DZANK1: variants seen among roughly 807,000 people sequenced by gnomAD.
DZANK1 encodes double zinc ribbon and ankyrin repeat domains 1.
In DZANK1, 91 loss-of-function variants were observed where a neutral mutation model predicts 94.5. That is an observed-to-expected ratio of 0.96 (90% CI 0.81 to 1.15). The LOEUF (loss-of-function observed/expected upper bound fraction) is 1.15. DZANK1 is among the 50% of genes most tolerant of loss of function. The pLI is 0.00. For synonymous variants in DZANK1, 312 were observed against 325.3 expected, an observed-to-expected ratio of 0.96 and a Z score of 0.44; for missense variants, 903 against 916.4, an observed-to-expected ratio of 0.99 and a Z score of 0.19.
intron 2 of DZANK1, among the ~76,000 whole-genome samples, chr20:18,462,956 AAAAG>A (rs893255045): frequency 7.3e-5 from 11 of 149,842 alleles, no homozygotes; most frequent in Admixed American, 1.4e-4. Context: ...AAAAAAAAAA[AAAAG>A]AAAGAAATAA....
intron 13 of DZANK1, among the ~76,000 whole-genome samples, chr20:18,403,796 CTT>C (rs35824877): frequency 0.097 from 10,801 of 111,286 alleles, 485 homozygotes; most frequent in East Asian, 0.44. Context: ...AACTTTCTTT[CTT>C]TTTTTTTTTT....
chr20:18,388,646 A>G (rs1176399973), intron 19 of DZANK1, among the ~76,000 whole-genome samples: 1 of 152,260 alleles, frequency 6.6e-6, no homozygotes, highest in Non-Finnish European at 1.5e-5. Context: ...GGATAAATAA[A>G]TAAGTTGACA....
intron 7 of DZANK1, among the ~76,000 whole-genome samples, chr20:18,448,600 G>A (rs1344819793): frequency 6.6e-6 from 1 of 152,134 alleles, no homozygotes; most frequent in African/African-American, 2.4e-5. Context: ...CGGGTGTGGT[G>A]GCTCACACCT....
intron 8 of DZANK1, among the ~76,000 whole-genome samples, chr20:18,440,994 T>C (rs2148672860): frequency 6.6e-6 from 1 of 152,312 alleles, no homozygotes; most frequent in East Asian, 1.9e-4. Flanking sequence ...AAGAAGTATA[T>C]TATTTTGGGC....
intron 11 of DZANK1, 122 bp downstream of exon 11, chr20:18,415,205 A>C: frequency 1.0e-6 from 1 of 990,662 alleles, no homozygotes; most frequent in Non-Finnish European, 1.4e-6. Flanking sequence ...TTCTTAGGTT[A>C]TAGGTACCAG....
At chr20:18,401,469 G>C (rs2056676483) in intron 13 of DZANK1, among the ~76,000 whole-genome samples, 1 of 152,190 alleles carries the variant, frequency 6.6e-6, no homozygotes, top group African/African-American at 2.4e-5. Flanking sequence ...CCACTTTACT[G>C]CCCATACTTC....
At chr20:18,393,919 A>G (rs1243221159) in intron 16 of DZANK1, 108 bp from the exon 17 acceptor site, 1 of 757,314 alleles carries the variant, frequency 1.3e-6, no homozygotes, top group Non-Finnish European at 2.2e-6. Flanking sequence ...TAAAATGGCT[A>G]TCATAGAAAT....
intron 19 of DZANK1, among the ~76,000 whole-genome samples, chr20:18,388,968 T>C (rs2048682298): frequency 6.6e-6 from 1 of 152,122 alleles, no homozygotes; most frequent in African/African-American, 2.4e-5. Flanking sequence ...CTTCAGGAGG[T>C]AGGAGTGTTA....
intron 13 of DZANK1, among the ~76,000 whole-genome samples, chr20:18,407,978 A>C (rs2057042988): frequency 6.6e-6 from 1 of 152,238 alleles, no homozygotes; most frequent in Admixed American, 6.5e-5. Flanking sequence ...TTTGGCCTTA[A>C]AGAGGAGGTA....
At chr20:18,412,685 C>T (rs1568924594) in exon 13 of DZANK1, 3 of 1,613,240 alleles carry the variant, frequency 1.9e-6, no homozygotes, top group Non-Finnish European at 2.5e-6. Context: ...GGTTTATGGT[C>T]ACTCATTTTC....
intron 9 of DZANK1, among the ~76,000 whole-genome samples, chr20:18,428,007 C>T (rs1234865337): frequency 2.0e-5 from 3 of 151,232 alleles, no homozygotes; most frequent in South Asian, 2.1e-4. Context: ...AAAAATTAGC[C>T]GAGTGTGGTG....
intron 5 of DZANK1, among the ~76,000 whole-genome samples, chr20:18,453,003 A>G (rs1036619804): frequency 9.9e-5 from 15 of 152,202 alleles, no homozygotes; most frequent in Non-Finnish European, 1.8e-4. Context: ...AGACAGATCA[A>G]TCCAGTTGCA....
chr20:18,457,377 T>C (rs1433616000), intron 3 of DZANK1, among the ~76,000 whole-genome samples: 1 of 152,158 alleles, frequency 6.6e-6, no homozygotes, highest in African/African-American at 2.4e-5. Flanking sequence ...CTCAGGAGGC[T>C]GAGGCACAAG....
chr20:18,415,229 A>G lies in DZANK1; in HGVS notation c.1077+98T>C, dbSNP rs755621635. On this transcript the variant is annotated intron_variant, in intron 11 of 20. Coordinates refer to ENST00000262547, the Ensembl canonical transcript of DZANK1. ...TATAGGTACCAGTAGCGAAATCACA[A>G]GAAGTGATTTCTGCAAGGCCATGGA... 5.0e-4 allele frequency: 622 copies of G among 1,248,900 alleles called. 1 individual carries two copies. The highest frequency in any genetic ancestry group is 6.3e-4 in the Non-Finnish European group (602 of 961,036). The allele number at this position is 1,248,900 out of a possible 1,614,324, so 77.4% of individuals were successfully genotyped here. A position where few individuals can be genotyped will look rare whatever the true frequency, so the allele number is the denominator to read the frequency against.
intron 3 of DZANK1, among the ~76,000 whole-genome samples, chr20:18,456,274 A>G (rs577309452): frequency 6.6e-6 from 1 of 152,278 alleles, no homozygotes; most frequent in South Asian, 2.1e-4. Flanking sequence ...TTCATTCATA[A>G]TATTTCACAA....
chr20:18,417,654 A>G (rs922860168), intron 10 of DZANK1, among the ~76,000 whole-genome samples: 7 of 152,328 alleles, frequency 4.6e-5, no homozygotes, highest in African/African-American at 1.7e-4. Flanking sequence ...GTTTGTTTTT[A>G]GTCTCAGTTC....
chr20:18,454,882 C>A (rs1240818051), intron 4 of DZANK1, among the ~76,000 whole-genome samples: 2 of 152,228 alleles, frequency 1.3e-5, no homozygotes, highest in Non-Finnish European at 2.9e-5. Context: ...AGCAAACACA[C>A]TCCAGTTTGG....
exon 21 of DZANK1, chr20:18,384,295 G>T (rs1308526643): frequency 1.0e-5 from 13 of 1,243,994 alleles, no homozygotes; most frequent in Non-Finnish European, 1.4e-5. Flanking sequence ...CCAACCTCAG[G>T]TGATACGCCA....
In DZANK1 at chr20:18,466,991, C is replaced by G. The variant is rs2055788787; in HGVS notation, c.-20+5G>C. 1 of 155,112 alleles carries G rather than the reference C, an allele frequency of 6.4e-6. No homozygotes were observed. The allele number at this position is 155,112 out of a possible 1,614,324, so 9.6% of individuals were successfully genotyped here. On this transcript the variant is annotated splice_donor_5th_base_variant and intron_variant, in intron 1 of 20. Transcript: ENST00000262547. ...CCGCGCCCAACCCAGTCGCCAGCCTCTCACCGCCTCTTGCCTCCTCCTTCG... is the reference window on the plus strand; with the variant it reads ...CCGCGCCCAACCCAGTCGCCAGCCTGTCACCGCCTCTTGCCTCCTCCTTCG...
Sources: allele counts gnomAD v4.1 joint callset (sites outside exome capture counted in the v4.1 genomes callset), GRCh38; gene constraint gnomAD v4.1.1; transcripts MANE v1.5; gene names NCBI Gene and HGNC (gene_info 2026-07-23, HGNC 2026-07-21).